TBC1D22A: variants seen among roughly 807,000 people sequenced by gnomAD.
TBC1D22A encodes the protein putative GTPase activator.
In TBC1D22A, 38 loss-of-function variants were observed where a neutral mutation model predicts 60.2. That is an observed-to-expected ratio of 0.63 (90% CI 0.49 to 0.83). The LOEUF is 0.83. Among genes scored for constraint, TBC1D22A ranks in the 40% least tolerant of loss-of-function variants. The pLI is 0.00. For missense variants in TBC1D22A, 628 were observed against 701.0 expected, an observed-to-expected ratio of 0.90 and a Z score of 1.18; for synonymous variants, 302 against 281.7, an observed-to-expected ratio of 1.07 and a Z score of -0.72.
At position 47,173,629 on chromosome 22, in the gene TBC1D22A, C is replaced by T; in HGVS notation, c.*3C>T. 6.2e-7 allele frequency: 1 copy of T among 1,613,776 alleles called. No individual in the cohort carries two copies. The highest frequency in any genetic ancestry group is 8.5e-7 in the Non-Finnish European group (1 of 1,179,848). ...CCCCCAATCACTACAAGAAATGAGCCCAGGCCCACCCGCAGCTGGCCTCAC... is the reference window on the plus strand; with the variant it reads ...CCCCCAATCACTACAAGAAATGAGCTCAGGCCCACCCGCAGCTGGCCTCAC... On this transcript the variant is annotated 3_prime_UTR_variant, in exon 13 of 13. Transcript: ENST00000337137.
At chr22:46,813,404 C>T (rs1430810715) in intron 4 of TBC1D22A, among the ~76,000 whole-genome samples, 1 of 152,162 alleles carries the variant, frequency 6.6e-6, no homozygotes, top group African/African-American at 2.4e-5. Flanking sequence ...TTTAAATTTG[C>T]TTTGGCCAGT....
chr22:47,099,317 A>G (rs548187723), intron 11 of TBC1D22A, among the ~76,000 whole-genome samples: 10 of 152,168 alleles, frequency 6.6e-5, no homozygotes, highest in African/African-American at 2.2e-4. Context: ...AAGGCATGAG[A>G]GGCTGGGGTT....
At chr22:47,141,209 A>T (rs1392055054) in intron 12 of TBC1D22A, among the ~76,000 whole-genome samples, 1 of 151,974 alleles carries the variant, frequency 6.6e-6, no homozygotes, top group African/African-American at 2.4e-5. Flanking sequence ...CCTGGGAAAG[A>T]CCCACCTCCA....
rs115081867 is a variant in TBC1D22A at position 46,902,612 on chromosome 22, C to T, written c.900+7766C>T. Among the ~76,000 whole-genome samples, 585 of 152,388 alleles carry T rather than the reference C, an allele frequency of 3.8e-3. 3 individuals carry two copies. The highest frequency in any genetic ancestry group is 0.013 in the African/African-American group (542 of 41,598). On this transcript the variant is annotated intron_variant, in intron 7 of 12. Coordinates refer to ENST00000337137, the MANE Select transcript of TBC1D22A (RefSeq NM_014346.5). Reference sequence around the variant, plus strand: ...GCGAGTTGCTGTCCTGGGACAGAGCCCCGCTGTGTCCGCTAAACCAGCCCT... The same window carrying T: ...GCGAGTTGCTGTCCTGGGACAGAGCTCCGCTGTGTCCGCTAAACCAGCCCT...
rs16996256 is a variant in TBC1D22A, at chr22:47,055,472, A to G, written c.1329+18274A>G. On this transcript the variant is annotated intron_variant, in intron 11 of 12. Coordinates refer to ENST00000337137, the MANE Select transcript of TBC1D22A (RefSeq NM_014346.5). ...GTGTTAATACACACCCAAATCAGAG[A>G]TCATATTGAGAATTTTGATTAGGGG... is the stretch of plus-strand genomic sequence containing the variant. Among the ~76,000 whole-genome samples the G allele has an allele frequency of 3.9e-3, 592 of 152,342 alleles. 3 individuals carry two copies. The highest frequency in any genetic ancestry group is 0.013 in the African/African-American group (555 of 41,578).
intron 12 of TBC1D22A, among the ~76,000 whole-genome samples, chr22:47,127,353 G>A (rs1213815119): frequency 2.0e-5 from 3 of 149,852 alleles, no homozygotes; most frequent in East Asian, 3.9e-4. Flanking sequence ...TCAGCCCCAC[G>A]AGTAGCTGGG....
At chr22:47,014,486 A>G (rs1161781052) in intron 10 of TBC1D22A, among the ~76,000 whole-genome samples, 2 of 152,116 alleles carry the variant, frequency 1.3e-5, no homozygotes, top group East Asian at 1.9e-4. Flanking sequence ...GCTCGCAGCC[A>G]TGTCAGGGCC....
chr22:46,844,567 T>A (rs2086910475), intron 4 of TBC1D22A, among the ~76,000 whole-genome samples: 1 of 152,116 alleles, frequency 6.6e-6, no homozygotes, highest in Non-Finnish European at 1.5e-5. Flanking sequence ...GGTATAAGGA[T>A]GGGGAGAGCT....
intron 8 of TBC1D22A, among the ~76,000 whole-genome samples, chr22:46,959,215 G>A (rs540051345): frequency 2.6e-5 from 4 of 152,298 alleles, no homozygotes; most frequent in South Asian, 2.1e-4. Context: ...CCTAAACTAC[G>A]TGACTGATGG....
intron 11 of TBC1D22A, among the ~76,000 whole-genome samples, chr22:47,110,398 G>A (rs2065805026): frequency 6.6e-6 from 1 of 152,202 alleles, no homozygotes; most frequent in South Asian, 2.1e-4. Context: ...AACATTGCTT[G>A]AAACCAGGAG....
In TBC1D22A at chr22:46,778,992, C is replaced by T. The variant is rs190491075; in HGVS notation, c.63-13528C>T. 3.0e-4 allele frequency among the ~76,000 whole-genome samples: 45 copies of T among 152,112 alleles called. No individual in the cohort carries two copies. In the East Asian group the frequency reaches 6.4e-3, roughly 22 times the overall value. ...CCTGGAGGCAGAGGCTGCAGTGAGT[C>T]GAGATCACACCATTGCACTCCAGCC... On this transcript the variant is annotated intron_variant, in intron 1 of 12. Transcript: ENST00000337137.
At chr22:46,991,614 C>T (rs1167818369) in intron 9 of TBC1D22A, among the ~76,000 whole-genome samples, 9 of 152,190 alleles carry the variant, frequency 5.9e-5, no homozygotes, top group African/African-American at 2.4e-5. Context: ...GCAGTTGCCT[C>T]GTGAATGATA....
chr22:46,891,719 C>T (rs2068418715), intron 6 of TBC1D22A, among the ~76,000 whole-genome samples: 1 of 152,192 alleles, frequency 6.6e-6, no homozygotes, highest in Non-Finnish European at 1.5e-5. Context: ...CAGTGAGCTG[C>T]TGTCTGGTAA....
intron 8 of TBC1D22A, chr22:46,915,508 A>T (rs738935): frequency 0.77 from 351,285 of 456,582 alleles, 135,655 homozygotes; most frequent in Middle Eastern, 0.87. Context: ...TGCAGCTGCC[A>T]GTGGCACTAG....
At chr22:46,917,868 C>T (rs750244423) in intron 8 of TBC1D22A, among the ~76,000 whole-genome samples, 9 of 152,104 alleles carry the variant, frequency 5.9e-5, no homozygotes, top group Non-Finnish European at 1.0e-4. Context: ...AGGTTTATGG[C>T]GCTCTCCCAT....
chr22:46,977,409 G>A (rs1188021153), intron 9 of TBC1D22A, among the ~76,000 whole-genome samples: 1 of 152,146 alleles, frequency 6.6e-6, no homozygotes, highest in Non-Finnish European at 1.5e-5. Flanking sequence ...GGGTGAGTCA[G>A]CATCACCCCT....
At chr22:47,111,346 T>G (rs916249867) in intron 11 of TBC1D22A, among the ~76,000 whole-genome samples, 162 bp from the exon 12 acceptor site, 1 of 152,218 alleles carries the variant, frequency 6.6e-6, no homozygotes, top group African/African-American at 2.4e-5. Context: ...TTTAATGGAA[T>G]GAGGATTTTG....
At chr22:47,045,316 G>A (rs760622865) in intron 11 of TBC1D22A, among the ~76,000 whole-genome samples, 5 of 152,148 alleles carry the variant, frequency 3.3e-5, no homozygotes, top group Non-Finnish European at 4.4e-5. Flanking sequence ...GCTCCTCCGC[G>A]GTTTGGAAGT....
At chr22:47,040,806 G>A (rs5767437) in intron 11 of TBC1D22A, among the ~76,000 whole-genome samples, 54,508 of 151,964 alleles carry the variant, frequency 0.36, 10,469 homozygotes, top group East Asian at 0.61. Flanking sequence ...CTAAATCCCG[G>A]TGACTTCTTC....
Sources: allele counts gnomAD v4.1 joint callset (sites outside exome capture counted in the v4.1 genomes callset), GRCh38; gene constraint gnomAD v4.1.1; transcripts MANE v1.5; gene names NCBI Gene and HGNC (gene_info 2026-07-23, HGNC 2026-07-21).